Variants in VRK2 observed in about 807,000 individuals in gnomAD.
The protein encoded by VRK2 is VRK serine/threonine kinase 2.
A neutral mutation model predicts 57.6 loss-of-function variants in VRK2; 60 were observed. That is an observed-to-expected ratio of 1.04 (90% CI 0.85 to 1.29). VRK2 has a LOEUF of 1.29. Ranked by LOEUF, VRK2 falls within the 50% of genes most tolerant of loss-of-function variation. The pLI, the probability that VRK2 is intolerant of heterozygous loss-of-function variation, is 0.00. For synonymous variants in VRK2, 231 were observed against 199.2 expected (o/e 1.16, Z -1.35); for missense variants, 705 against 588.1 (o/e 1.20, Z -2.06).
chr2:58,153,556 ATCAACCCCACT>A (rs1467571195), intron 12 of VRK2, among the ~76,000 whole-genome samples: 5 of 152,070 alleles, frequency 3.3e-5, no homozygotes, highest in Non-Finnish European at 7.4e-5. Context: ...CATTCCTTGA[ATCAACCCCACT>A]TCGTCATTTT....
intron 1 of VRK2, among the ~76,000 whole-genome samples, chr2:57,990,236 T>C (rs1672721240): frequency 6.6e-6 from 1 of 152,152 alleles, no homozygotes; most frequent in African/African-American, 2.4e-5. Context: ...TCATACTAAT[T>C]TTAACTCCCT....
upstream of VRK2, among the ~76,000 whole-genome samples, chr2:58,044,498 C>A (rs1674596151): frequency 6.6e-6 from 1 of 152,084 alleles, no homozygotes; most frequent in African/African-American, 2.4e-5. Flanking sequence ...ATGAAACATA[C>A]AATTTACTGA....
At position 57,940,441 on chromosome 2, in the gene VRK2, T is replaced by C. The variant is rs137923708; in HGVS notation, c.-439+32602T>C. ...GGACAATCTGCTTTACTGAGTCCAC[T>C]GATTAAAGTGTTAATCTTATCTGGA... On this transcript the variant is annotated intron_variant, in intron 1 of 15. Coordinates refer to the VRK2 transcript ENST00000417641. Among the ~76,000 whole-genome samples, 1,056 of 152,302 alleles carry C rather than the reference T, an allele frequency of 6.9e-3. 14 individuals carry two copies. The highest frequency in any genetic ancestry group is 0.02 in the Middle Eastern group (6 of 294).
chr2:57,989,439 T>C (rs903555546), intron 1 of VRK2, among the ~76,000 whole-genome samples: 6 of 152,236 alleles, frequency 3.9e-5, no homozygotes, highest in African/African-American at 1.4e-4. Context: ...AGGTAATTGC[T>C]TGGACATTTT....
intron 1 of VRK2, among the ~76,000 whole-genome samples, chr2:57,931,714 C>A (rs1670730745): frequency 1.3e-5 from 2 of 152,140 alleles, no homozygotes; most frequent in East Asian, 3.9e-4. Context: ...GACATTTTCT[C>A]ATTTTCCTCT....
chr2:58,068,749 C>T (rs1668962424), intron 2 of VRK2, among the ~76,000 whole-genome samples: 1 of 146,560 alleles, frequency 6.8e-6, no homozygotes, highest in South Asian at 2.2e-4. Flanking sequence ...TTCCTTTGAT[C>T]TATCATCAAG....
intron 12 of VRK2, among the ~76,000 whole-genome samples, chr2:58,154,422 ACT>A (rs1195777107): frequency 6.6e-6 from 1 of 151,628 alleles, no homozygotes; most frequent in Non-Finnish European, 1.5e-5. Context: ...GGGATGTTTA[ACT>A]CACACTAATT....
intron 8 of VRK2, among the ~76,000 whole-genome samples, chr2:58,127,027 T>C (rs1421433124): frequency 6.6e-6 from 1 of 152,134 alleles, no homozygotes; most frequent in Non-Finnish European, 1.5e-5. Flanking sequence ...ATTGAGTCTG[T>C]AATACCTATC....
intron 2 of VRK2, among the ~76,000 whole-genome samples, chr2:58,081,268 G>C (rs1418238345): frequency 2.6e-5 from 4 of 151,924 alleles, no homozygotes; most frequent in Non-Finnish European, 5.9e-5. Flanking sequence ...GATTGAGTGT[G>C]TGTGTGCATA....
At chr2:58,129,290 C>T (rs915911782) in intron 8 of VRK2, among the ~76,000 whole-genome samples, 3 of 152,030 alleles carry the variant, frequency 2.0e-5, no homozygotes, top group African/African-American at 7.2e-5. Context: ...ATACATGACT[C>T]AGAAACAAAA....
chr2:58,148,781 C>G (rs1030578662), intron 12 of VRK2, among the ~76,000 whole-genome samples: 9 of 151,660 alleles, frequency 5.9e-5, no homozygotes, highest in Non-Finnish European at 1.3e-4. Flanking sequence ...TAATGAATTT[C>G]TTTGGAGCCC....
At chr2:58,147,323 T>C (rs1682315567) in intron 12 of VRK2, 1 of 375,476 alleles carries the variant, frequency 2.7e-6, no homozygotes, top group Non-Finnish European at 5.4e-6. Context: ...TTAGTACTAA[T>C]AGCAATCTTT....
chr2:57,978,340 TCA>T (rs1672312532), intron 1 of VRK2, among the ~76,000 whole-genome samples: 1 of 151,062 alleles, frequency 6.6e-6, no homozygotes, highest in South Asian at 2.1e-4. Context: ...TCCTACAAAT[TCA>T]CAGTGTGGGA....
chr2:57,992,218 T>G (rs1672789842), intron 1 of VRK2, among the ~76,000 whole-genome samples: 1 of 152,232 alleles, frequency 6.6e-6, no homozygotes, highest in South Asian at 2.1e-4. Flanking sequence ...TGTAACAGCA[T>G]GTTTTCAATC....
At chr2:57,979,575 C>T (rs1558523547) in intron 1 of VRK2, among the ~76,000 whole-genome samples, 1 of 145,096 alleles carries the variant, frequency 6.9e-6, no homozygotes, top group Non-Finnish European at 1.5e-5. Context: ...GGAGGAGTCC[C>T]TCCTCCTTGA....
intron 1 of VRK2, among the ~76,000 whole-genome samples, chr2:57,931,204 G>A (rs1670712325): frequency 6.6e-6 from 1 of 151,840 alleles, no homozygotes; most frequent in African/African-American, 2.4e-5. Flanking sequence ...TTGATTTTTT[G>A]AGGATATTTA....
intron 1 of VRK2, among the ~76,000 whole-genome samples, chr2:57,967,691 C>T (rs1182711349): frequency 7.2e-5 from 11 of 152,040 alleles, no homozygotes; most frequent in East Asian, 1.9e-4. Context: ...CCTTCCTGGA[C>T]CTTAAGAACT....
intron 1 of VRK2, among the ~76,000 whole-genome samples, chr2:57,998,671 T>A (rs1287982639): frequency 6.6e-6 from 1 of 152,324 alleles, no homozygotes; most frequent in East Asian, 1.9e-4. Flanking sequence ...TATATCTATA[T>A]GGCACAGTTA....
At chr2:57,967,627 A>G (rs1484615800) in intron 1 of VRK2, among the ~76,000 whole-genome samples, 1 of 152,208 alleles carries the variant, frequency 6.6e-6, no homozygotes, top group African/African-American at 2.4e-5. Context: ...TAACTGACCT[A>G]CGTTCTAGTG....
Sources: gnomAD v4.1 joint callset for allele counts (sites outside exome capture counted in the v4.1 genomes callset) on GRCh38, gnomAD v4.1.1 for gene constraint, MANE v1.5 for transcripts, NCBI Gene and HGNC (gene_info 2026-07-23, HGNC 2026-07-21) for gene names.